The following STX18 variants were observed in gnomAD, a reference collection of about 807,000 sequenced individuals.
STX18 encodes syntaxin-18.
STX18 carries 40 observed loss-of-function variants against 50.1 expected under a neutral mutation model. The ratio of observed to expected loss-of-function variants is 0.80; its 90% CI spans 0.62 to 1.04. The LOEUF is 1.04. Among genes scored for constraint, STX18 ranks in the 50% least tolerant of loss-of-function variants. STX18 has a pLI of 0.00. For missense variants in STX18, 410 were observed against 415.8 expected, an observed-to-expected ratio of 0.99 and a Z score of 0.12; for synonymous variants, 158 against 151.8, an observed-to-expected ratio of 1.04 and a Z score of -0.30.
intron 1 of STX18, among the ~76,000 whole-genome samples, chr4:4,518,620 A>T (rs541767849): frequency 1.4e-4 from 21 of 152,206 alleles, no homozygotes; most frequent in South Asian, 2.1e-4. Flanking sequence ...AAGGGTTTTT[A>T]AAAAAAAGAT....
chr4:4,429,875 C>A (rs566390910), intron 7 of STX18, among the ~76,000 whole-genome samples: 6 of 152,234 alleles, frequency 3.9e-5, no homozygotes, highest in African/African-American at 1.4e-4. Flanking sequence ...GGGGACAGGG[C>A]CTTGGAAGAC....
Position 4,436,432 on chromosome 4 carries a change from C to G in STX18, c.614-1574G>C, listed in dbSNP as rs182926825. Among the ~76,000 whole-genome samples the G allele has an allele frequency of 5.9e-5, 9 of 151,596 alleles. No individual in the cohort carries two copies. The East Asian group carries it at 1.7e-3, about 29-fold the overall frequency. On this transcript the variant is annotated intron_variant, in intron 6 of 10. Coordinates refer to ENST00000306200, the MANE Select transcript of STX18 (RefSeq NM_016930.4). ...CCACCCCCACCTTATGAGCTGTCTC[C>G]TACTTGTCCTCATTATGGTATCCAT...
chr4:4,523,330 G>A (rs932614594), intron 1 of STX18, among the ~76,000 whole-genome samples: 3 of 152,000 alleles, frequency 2.0e-5, no homozygotes, highest in African/African-American at 7.2e-5. Context: ...CTTTTCTTCT[G>A]ACTTGAAATT....
intron 1 of STX18, among the ~76,000 whole-genome samples, chr4:4,525,685 T>C (rs1307902770): frequency 6.6e-6 from 1 of 152,108 alleles, no homozygotes; most frequent in Non-Finnish European, 1.5e-5. Flanking sequence ...TCCTTTTCCA[T>C]CCCCTGTGCC....
At chr4:4,517,315 AG>A (rs1730314722) in intron 1 of STX18, among the ~76,000 whole-genome samples, 1 of 152,258 alleles carries the variant, frequency 6.6e-6, no homozygotes, top group Non-Finnish European at 1.5e-5. Context: ...GATACTAAAT[AG>A]AAACACCCCA....
intron 3 of STX18, among the ~76,000 whole-genome samples, chr4:4,458,775 A>G (rs937414231): frequency 7.9e-6 from 1 of 126,546 alleles, no homozygotes; most frequent in African/African-American, 4.6e-5. Flanking sequence ...TCTGCATTTC[A>G]TAGACAAAAA....
rs528306573 is a variant in STX18 at position 4,423,508 on chromosome 4, G to GT, written c.831+9dup. The GT allele has an allele frequency of 7.3e-5, 118 of 1,613,630 alleles. No homozygotes were observed. In the African/African-American group the frequency reaches 1.4e-3, roughly 19 times the overall value. ...GAAAACATACAGCTCCTTTGTTTTTGTTTTTTTACCTGTTGCAAAACCTTT... is the reference window on the plus strand; with the variant it reads ...GAAAACATACAGCTCCTTTGTTTTTGTTTTTTTTACCTGTTGCAAAACCTTT... On this transcript the variant is annotated intron_variant, in intron 9 of 10. Coordinates refer to ENST00000306200, the MANE Select transcript of STX18 (RefSeq NM_016930.4).
chr4:4,470,817 G>A (rs890519164), intron 2 of STX18, among the ~76,000 whole-genome samples: 7 of 152,172 alleles, frequency 4.6e-5, no homozygotes, highest in African/African-American at 1.2e-4. Context: ...GTGGGAAGGC[G>A]GTGTTTGAAA....
chr4:4,515,662 C>CT (rs373117557), intron 1 of STX18, among the ~76,000 whole-genome samples: 228 of 152,208 alleles, frequency 1.5e-3, no homozygotes, highest in African/African-American at 5.1e-3. Flanking sequence ...CTTTAGCAGT[C>CT]TACATGTATT....
intron 7 of STX18, among the ~76,000 whole-genome samples, chr4:4,432,744 T>C (rs1725576933): frequency 6.6e-6 from 1 of 152,372 alleles, no homozygotes; most frequent in Admixed American, 6.5e-5. Flanking sequence ...TTGTCTTCAC[T>C]TGTCCATGCC....
intron 1 of STX18, among the ~76,000 whole-genome samples, chr4:4,475,005 T>C (rs570902847): frequency 1.3e-5 from 2 of 152,278 alleles, no homozygotes; most frequent in African/African-American, 2.4e-5. Flanking sequence ...CCATAAAGTT[T>C]TCCATACAAA....
At chr4:4,450,060 A>G (rs1726666304) in intron 5 of STX18, among the ~76,000 whole-genome samples, 1 of 152,200 alleles carries the variant, frequency 6.6e-6, no homozygotes, top group South Asian at 2.1e-4. Context: ...ACAAGATCTG[A>G]GTGCTAACTA....
intron 1 of STX18, among the ~76,000 whole-genome samples, chr4:4,515,597 A>G (rs1730216065): frequency 6.6e-6 from 1 of 152,184 alleles, no homozygotes; most frequent in Non-Finnish European, 1.5e-5. Flanking sequence ...AATGCAATAA[A>G]AATGTGTACC....
At chr4:4,522,582 C>A (rs964444420) in intron 1 of STX18, among the ~76,000 whole-genome samples, 1 of 151,938 alleles carries the variant, frequency 6.6e-6, no homozygotes, top group Non-Finnish European at 1.5e-5. Context: ...AGAAACTGAC[C>A]GAAATGTGGA....
chr4:4,459,525 G>A (rs1211749064), intron 2 of STX18, 38 bp from the exon 3 acceptor site: 11 of 1,436,822 alleles, frequency 7.7e-6, no homozygotes, highest in Non-Finnish European at 1.1e-5. Flanking sequence ...AGCAGCAAAT[G>A]AGAACATAAT....
At chr4:4,459,047 A>G (rs370881217) in intron 3 of STX18, among the ~76,000 whole-genome samples, 2 of 128,816 alleles carry the variant, frequency 1.6e-5, no homozygotes, top group Non-Finnish European at 3.3e-5. Flanking sequence ...TTTGCCACAC[A>G]GAACACACAC....
intron 8 of STX18, 40 bp from the exon 9 acceptor site, chr4:4,423,627 T>A: frequency 6.3e-7 from 1 of 1,588,640 alleles, no homozygotes; most frequent in Non-Finnish European, 8.6e-7. Context: ...CTATTAGCAC[T>A]TGGTAATCTA....
chr4:4,484,100 G>C (rs1436309102), intron 1 of STX18, among the ~76,000 whole-genome samples: 1 of 152,112 alleles, frequency 6.6e-6, no homozygotes, highest in African/African-American at 2.4e-5. Flanking sequence ...CTGACCTCGT[G>C]ATCCGCCCGC....
At position 4,517,781 on chromosome 4, in the gene STX18, TA is replaced by T. The variant is rs1171999795; in HGVS notation, c.168+24015del. Among the ~76,000 whole-genome samples the T allele has an allele frequency of 1.3e-3, 195 of 151,982 alleles. 1 individual carries two copies. The highest frequency in any genetic ancestry group is 4.5e-3 in the African/African-American group (185 of 41,434). ...CCTTTATAAGTGTTTTTTTTTTCTT[TA>T]TTTTTTTTTTTTGAGATGGAGTCTC... is the stretch of plus-strand genomic sequence containing the variant. On this transcript the variant is annotated intron_variant, in intron 1 of 10. Transcript: ENST00000306200.
Sources: allele counts gnomAD v4.1 joint callset (sites outside exome capture counted in the v4.1 genomes callset), GRCh38; gene constraint gnomAD v4.1.1; transcripts MANE v1.5; gene names NCBI Gene and HGNC (gene_info 2026-07-23, HGNC 2026-07-21).